The following SRPX variants were observed in gnomAD, a reference collection of about 807,000 sequenced individuals.
SRPX encodes sushi repeat-containing protein SRPX.
SRPX carries 24 observed loss-of-function variants against 38.1 expected under a neutral mutation model. The observed-to-expected ratio is 0.63, with a 90% CI of 0.46 to 0.89. The LOEUF (loss-of-function observed/expected upper bound fraction) is 0.89. SRPX is among the 40% of genes least tolerant of loss of function. The pLI is 0.00. For missense variants in SRPX, 416 were observed against 377.8 expected, an observed-to-expected ratio of 1.10 and a Z score of -0.84; for synonymous variants, 184 against 153.8, an observed-to-expected ratio of 1.20 and a Z score of -1.45.
chrX:38,195,729 T>A (rs1938988368), intron 1 of SRPX, among the ~76,000 whole-genome samples: 1 of 111,877 alleles, frequency 8.9e-6, no homozygotes, highest in African/African-American at 3.3e-5. Context: ...CCCAGCCTAC[T>A]CCCAAGCTGT....
At chrX:38,172,736 AT>A (rs886316844) in intron 3 of SRPX, among the ~76,000 whole-genome samples, 6 of 113,093 alleles carry the variant, frequency 5.3e-5, no homozygotes, top group African/African-American at 1.9e-4. Context: ...GCCTGATCCC[AT>A]AGGGAAGCTC....
Position 38,154,787 on chromosome X carries a change from T to C in SRPX, c.1090-204A>G, listed in dbSNP as rs745497153. Among the ~76,000 whole-genome samples, 21 of 112,127 alleles carry C rather than the reference T, an allele frequency of 1.9e-4. No individual in the cohort carries two copies. The South Asian group carries it at 7.1e-3, about 38-fold the overall frequency. Reference sequence around the variant, plus strand: ...ACCTTTGCTAGAGGAATCATTCAGATATGGCTTGACAGTGGGATTTTGAAA... The same window carrying C: ...ACCTTTGCTAGAGGAATCATTCAGACATGGCTTGACAGTGGGATTTTGAAA... On this transcript the variant is annotated intron_variant, in intron 8 of 9. Coordinates refer to ENST00000378533, the MANE Select transcript of SRPX (RefSeq NM_006307.5).
At chrX:38,151,718 AC>A (rs1569201912) in intron 9 of SRPX, among the ~76,000 whole-genome samples, 1 of 111,390 alleles carries the variant, frequency 9.0e-6, no homozygotes, top group Non-Finnish European at 1.9e-5. Flanking sequence ...ATGATCAAAC[AC>A]CACACAAAAT....
At chrX:38,160,345 G>C in intron 6 of SRPX, 149 bp from the exon 7 acceptor site, 1 of 542,106 alleles carries the variant, frequency 1.8e-6, no homozygotes. Context: ...TGACTATTTG[G>C]TCAGTGAGTG....
chrX:38,174,153 T>G lies in SRPX; in HGVS notation c.349+7A>C. The G allele has an allele frequency of 9.4e-7, 1 of 1,058,406 alleles. No individual in the cohort carries two copies. The highest frequency in any genetic ancestry group is 1.2e-6 in the Non-Finnish European group (1 of 815,854). 87.2% of individuals were successfully genotyped at this position (1,058,406 alleles called of 1,213,427 possible). A position where few individuals can be genotyped will look rare whatever the true frequency, so the allele number is the denominator to read the frequency against. ...CTGAGGACCCAACACAGAGCTGGCC[T>G]ACTCACGTTTGCAGATGACCTTGTC... On this transcript the variant is annotated splice_region_variant and intron_variant, in intron 3 of 9. Transcript: ENST00000378533.
At chrX:38,183,871 A>G (rs1161296171) in intron 1 of SRPX, among the ~76,000 whole-genome samples, 3 of 111,808 alleles carry the variant, frequency 2.7e-5, no homozygotes, top group African/African-American at 9.7e-5. Flanking sequence ...TCTGTCTCTC[A>G]GCCATACCTG....
intron 2 of SRPX, 99 bp downstream of exon 2, chrX:38,178,186 T>A: frequency 1.8e-6 from 1 of 543,192 alleles, no homozygotes; most frequent in East Asian, 3.5e-5. Flanking sequence ...AACTTAAATG[T>A]GTTGTCTGGT....
chrX:38,196,896 G>T (rs1301979885), intron 1 of SRPX, among the ~76,000 whole-genome samples: 3 of 111,851 alleles, frequency 2.7e-5, no homozygotes, highest in African/African-American at 9.8e-5. Context: ...AGCTGGCGGG[G>T]TGTTACATCT....
intron 1 of SRPX, among the ~76,000 whole-genome samples, chrX:38,185,663 G>A (rs1255243806): frequency 9.0e-6 from 1 of 110,857 alleles, no homozygotes; most frequent in African/African-American, 3.3e-5. Flanking sequence ...GATTTGTAAG[G>A]TGGCTAATAG....
intron 1 of SRPX, among the ~76,000 whole-genome samples, chrX:38,212,588 G>A (rs1939349469): frequency 9.0e-6 from 1 of 111,396 alleles, no homozygotes; most frequent in Admixed American, 9.5e-5. Context: ...CGTGCTCCCA[G>A]GTGACCCAAG....
At chrX:38,186,508 G>A (rs1004718638) in intron 1 of SRPX, among the ~76,000 whole-genome samples, 2 of 112,066 alleles carry the variant, frequency 1.8e-5, no homozygotes, top group East Asian at 2.8e-4. Flanking sequence ...TACAAAAGGA[G>A]GAAGGGAAAA....
rs752709294 is a variant in SRPX at position 38,154,487 on chromosome X, G to A, written c.1186C>T (p.Pro396Ser). Reference protein sequence around the residue: ...LIGRIGAKIMPPALALQLRLL... With the variant: ...LIGRIGAKIMSPALALQLRLL... ...CTGAGCTGCAGCGCTAGGGCTGGAGGCATAATCTTTGCTCCTATCCTGCCA... is the reference window on the plus strand; with the variant it reads ...CTGAGCTGCAGCGCTAGGGCTGGAGACATAATCTTTGCTCCTATCCTGCCA... Residue 396 changes from proline (P) to serine (S), a missense_variant, in exon 9 of 10, where the codon CCT becomes TCT. Physicochemically the swap from Pro to Ser is moderately conservative, Grantham distance 74. Transcript: ENST00000378533. 7.8e-5 allele frequency: 94 copies of A among 1,204,123 alleles called. No homozygotes were observed. The highest frequency in any genetic ancestry group is 1.0e-4 in the Non-Finnish European group (90 of 892,348).
chrX:38,215,561 C>T (rs1383876442), intron 1 of SRPX, among the ~76,000 whole-genome samples: 1 of 112,431 alleles, frequency 8.9e-6, no homozygotes, highest in African/African-American at 3.2e-5. Flanking sequence ...TGATTCGTTG[C>T]CTGTCCAAAT....
At chrX:38,171,274 TA>T (rs777503633) in intron 4 of SRPX, among the ~76,000 whole-genome samples, 1 of 111,083 alleles carries the variant, frequency 9.0e-6, no homozygotes, top group African/African-American at 3.3e-5. Flanking sequence ...GAATGCTCAT[TA>T]AAAAACAAAA....
intron 1 of SRPX, 39 bp downstream of exon 1, chrX:38,220,657 G>C: frequency 8.4e-7 from 1 of 1,185,829 alleles, no homozygotes; most frequent in Non-Finnish European, 1.1e-6. Flanking sequence ...GGGGGTCTTT[G>C]GTGCCCAGCT....
chrX:38,161,017 G>A lies in SRPX; in HGVS notation c.691C>T (p.Pro231Ser). The A allele has an allele frequency of 8.3e-7, 1 of 1,210,443 alleles. No individual in the cohort carries two copies. The highest frequency in any genetic ancestry group is 3.0e-5 in the East Asian group (1 of 33,848). Residue 231 changes from proline (P) to serine (S), a missense_variant, in exon 6 of 10, where the codon CCA (proline) becomes TCA (serine). Physicochemically the swap from Pro to Ser is moderately conservative, Grantham distance 74. Coordinates refer to ENST00000378533, the MANE Select transcript of SRPX (RefSeq NM_006307.5). The stretch of plus-strand genomic sequence containing the variant: ...TACTGGATCTTGTGGTCTCCTTCTG[G>A]AAAGTTGGAGCCTGGGGGGAGGCCT... ...LKGLPPGSNF[P>S]EGDHKIQYTV...
At chrX:38,171,264 G>A (rs1435118441) in intron 4 of SRPX, among the ~76,000 whole-genome samples, 2 of 111,134 alleles carry the variant, frequency 1.8e-5, no homozygotes, top group Admixed American at 9.6e-5. Flanking sequence ...ACAATCCCTG[G>A]AATGCTCATT....
At chrX:38,172,465 CAAAT>C (rs1240030627) in intron 3 of SRPX, among the ~76,000 whole-genome samples, 2 of 112,884 alleles carry the variant, frequency 1.8e-5, no homozygotes, top group African/African-American at 6.4e-5. Context: ...ATAAATAAAA[CAAAT>C]GGAATTTAAG....
intron 6 of SRPX, 48 bp downstream of exon 6, chrX:38,160,885 G>C (rs755876024): frequency 2.1e-5 from 25 of 1,185,910 alleles, no homozygotes; most frequent in African/African-American, 3.5e-5. Context: ...ACTTCCCTTT[G>C]CTCTTCTAAA....
Sources: gnomAD v4.1 joint callset for allele counts (sites outside exome capture counted in the v4.1 genomes callset) on GRCh38, gnomAD v4.1.1 for gene constraint, MANE v1.5 for transcripts, NCBI Gene and HGNC (gene_info 2026-07-23, HGNC 2026-07-21) for gene names.